VAV3: variants seen among roughly 807,000 people sequenced by gnomAD.
VAV3 encodes the protein vav guanine nucleotide exchange factor 3, also known as guanine nucleotide exchange factor VAV3.
VAV3 carries 94 observed loss-of-function variants against 131.2 expected under a neutral mutation model. The ratio of observed to expected loss-of-function variants is 0.72; its 90% CI spans 0.61 to 0.85. The LOEUF (loss-of-function observed/expected upper bound fraction) is 0.85. Ranked by LOEUF, VAV3 falls within the 40% of genes least tolerant of loss-of-function variation. The probability of loss-of-function intolerance (pLI) is 0.00; values close to 1 mark genes in which losing one functional copy is unlikely to be tolerated. For synonymous variants in VAV3, 349 were observed against 342.0 expected, an observed-to-expected ratio of 1.02 and a Z score of -0.22; for missense variants, 939 against 1,002.7, an observed-to-expected ratio of 0.94 and a Z score of 0.86.
chr1:107,595,267 T>C (rs1651280995), intron 25 of VAV3, among the ~76,000 whole-genome samples: 3 of 152,158 alleles, frequency 2.0e-5, no homozygotes, highest in Non-Finnish European at 2.9e-5. Flanking sequence ...ATGTGACAGA[T>C]TGTTTGTTTA....
rs1664666724 is a variant in VAV3 at position 107,765,116 on chromosome 1, T to C, written c.881A>G (p.Tyr294Cys). 2.5e-6 allele frequency: 4 copies of C among 1,613,530 alleles called. No homozygotes were observed. The South Asian group carries it at 4.4e-5, about 18-fold the overall frequency. ...GACATCTTCTTTTGTCTTAGAAATG[T>C]AGTCTAAACTAGAGATGGCTGACTC... ...GVESAISSLDYISKTKEDVKL... is the reference protein window; with the variant it reads ...GVESAISSLDCISKTKEDVKL... Residue 294 changes from tyrosine to cysteine, a missense_variant, in exon 9 of 27, where the codon TAC (tyrosine) becomes TGC (cysteine). Tyr to Cys is a radical substitution (Grantham distance 194). Transcript: ENST00000370056.
intron 5 of VAV3, among the ~76,000 whole-genome samples, chr1:107,771,253 CT>C (rs34501550): frequency 0.37 from 49,934 of 134,862 alleles, 8,663 homozygotes; most frequent in Non-Finnish European, 0.44. Flanking sequence ...TTCTTGTCAG[CT>C]TTTTTTTTTT....
In VAV3 at chr1:107,591,920, C is replaced by T. The variant is rs190939050; in HGVS notation, c.2350+4292G>A. ...TCAAAAGCAGAAAATTGCATTGATG[C>T]GGTACTATTTTTTAATCAAGAGAAT... On this transcript the variant is annotated intron_variant, in intron 25 of 26. Coordinates refer to ENST00000370056, the MANE Select transcript of VAV3 (RefSeq NM_006113.5). 3.0e-3 allele frequency among the ~76,000 whole-genome samples: 456 copies of T among 152,148 alleles called. 1 individual carries two copies. Among genetic ancestry groups the T allele is most frequent in the Middle Eastern group, 0.017 (5 of 294 alleles).
intron 15 of VAV3, among the ~76,000 whole-genome samples, chr1:107,746,289 C>A (rs927473430): frequency 6.6e-6 from 1 of 152,122 alleles, no homozygotes; most frequent in Non-Finnish European, 1.5e-5. Context: ...TATAATATAA[C>A]CCTTATTTAT....
chr1:107,603,282 A>T, intron 22 of VAV3, 119 bp from the exon 23 acceptor site: 1 of 710,956 alleles, frequency 1.4e-6, no homozygotes. Flanking sequence ...GTAATTCTAT[A>T]CTAATTACAT....
chr1:107,761,704 G>A (rs1465869324), intron 9 of VAV3, among the ~76,000 whole-genome samples: 1 of 152,140 alleles, frequency 6.6e-6, no homozygotes, highest in Admixed American at 6.5e-5. Context: ...ACAATTGGGT[G>A]TACTCTCTCT....
intron 20 of VAV3, among the ~76,000 whole-genome samples, chr1:107,619,079 C>G (rs1653383937): frequency 6.6e-6 from 1 of 151,966 alleles, no homozygotes; most frequent in Non-Finnish European, 1.5e-5. Flanking sequence ...GCTGAACTGG[C>G]CAGTGGATTA....
intron 2 of VAV3, among the ~76,000 whole-genome samples, chr1:107,820,621 T>C (rs1165941019): frequency 6.6e-6 from 1 of 152,192 alleles, no homozygotes. Flanking sequence ...ATAATTGGAA[T>C]ATTTATAACA....
intron 25 of VAV3, among the ~76,000 whole-genome samples, chr1:107,581,676 G>A (rs954024769): frequency 6.6e-6 from 1 of 152,148 alleles, no homozygotes; most frequent in Non-Finnish European, 1.5e-5. Flanking sequence ...CAGTGTTTAT[G>A]GTAGGATAAA....
Position 107,825,248 on chromosome 1 carries a change from A to C in VAV3, c.322-45756T>G, listed in dbSNP as rs558413621. On this transcript the variant is annotated intron_variant, in intron 2 of 26. Transcript: ENST00000370056. The stretch of plus-strand genomic sequence containing the variant: ...CAAACAGGGGCTGCCACATACAGAT[A>C]GGTTGGTCTAAAATGACTGTGTAGC... 2.6e-4 allele frequency among the ~76,000 whole-genome samples: 39 copies of C among 152,314 alleles called. No homozygotes were observed. The South Asian group carries it at 4.3e-3, about 17-fold the overall frequency.
rs1320873114 is a variant in VAV3 at position 107,964,899 on chromosome 1, G to T, written c.-30C>A. On this transcript the variant is annotated 5_prime_UTR_variant, in exon 1 of 27. Transcript: ENST00000370056. ...GACGGCTCCGGGACGCGGCTGGGCC[G>T]GGGCGGGCGGCAAGGATGCGGCCGC... The T allele has an allele frequency of 1.5e-6, 2 of 1,351,932 alleles. No homozygotes were observed. Among genetic ancestry groups the T allele is most frequent in the Non-Finnish European group, 1.9e-6 (2 of 1,040,984 alleles). The allele number at this position is 1,351,932 out of a possible 1,614,324, so 83.7% of individuals were successfully genotyped here.
chr1:107,787,068 T>C (rs1210797229), intron 2 of VAV3, among the ~76,000 whole-genome samples: 1 of 152,130 alleles, frequency 6.6e-6, no homozygotes, highest in Non-Finnish European at 1.5e-5. Flanking sequence ...TGAAGGACCA[T>C]TTATGGACTT....
intron 17 of VAV3, among the ~76,000 whole-genome samples, chr1:107,692,751 C>T (rs1659504040): frequency 6.6e-6 from 1 of 152,096 alleles, no homozygotes; most frequent in African/African-American, 2.4e-5. Flanking sequence ...CAGCAGCTGG[C>T]CTAGATAAAA....
intron 15 of VAV3, among the ~76,000 whole-genome samples, chr1:107,737,846 C>T (rs1485910104): frequency 6.6e-6 from 1 of 152,180 alleles, no homozygotes; most frequent in African/African-American, 2.4e-5. Context: ...CCAGCAATCC[C>T]ATTACTGGGT....
chr1:107,944,043 G>A (rs74109684), intron 1 of VAV3, among the ~76,000 whole-genome samples: 41 of 152,312 alleles, frequency 2.7e-4, no homozygotes, highest in African/African-American at 9.4e-4. Flanking sequence ...TTGCCTGTAG[G>A]CTAGGCTGCC....
chr1:107,677,506 T>C lies in VAV3; in HGVS notation c.1777+5982A>G, dbSNP rs146603313. On this transcript the variant is annotated intron_variant, in intron 19 of 26. Coordinates refer to ENST00000370056, the MANE Select transcript of VAV3 (RefSeq NM_006113.5). ...GAATGGTATTCAACCAGCATAACCA[T>C]AGATATGGCAAAGGAAGTCCACTCC... Among the ~76,000 whole-genome samples, 429 of 152,290 alleles carry C rather than the reference T, an allele frequency of 2.8e-3. 2 individuals are homozygous for C. Among genetic ancestry groups the C allele is most frequent in the African/African-American group, 9.8e-3 (406 of 41,572 alleles).
intron 2 of VAV3, among the ~76,000 whole-genome samples, chr1:107,801,836 T>C (rs1666840841): frequency 6.6e-6 from 1 of 152,158 alleles, no homozygotes; most frequent in African/African-American, 2.4e-5. Context: ...ACCTGAAGTT[T>C]TTCTTTTAAC....
chr1:107,964,862 G>A lies in VAV3; in HGVS notation c.8C>T (p.Pro3Leu), dbSNP rs372314733. The stretch of plus-strand genomic sequence containing the variant: ...GAGCCACTGCGCGCACTGCTTCCAC[G>A]GCTCCATGCCCGACGGCTCCGGGAC... ME[P>L]WKQCAQWLIH... The change falls in exon 1 of 27, where the codon CCG (proline) becomes CTG (leucine). Residue 3 changes from proline (P) to leucine (L), a missense_variant. Transcript: ENST00000370056. The A allele has an allele frequency of 4.2e-5, 67 of 1,599,418 alleles. 3 individuals carry two copies. In the South Asian group the frequency reaches 7.0e-4, roughly 17 times the overall value.
chr1:107,603,676 T>TTTTCTTA (rs1652039297), intron 22 of VAV3, among the ~76,000 whole-genome samples: 1 of 152,208 alleles, frequency 6.6e-6, no homozygotes, highest in South Asian at 2.1e-4. Context: ...CTTAAGCAAT[T>TTTTCTTA]AGTAATAATG....
Sources: allele counts gnomAD v4.1 joint callset (sites outside exome capture counted in the v4.1 genomes callset), GRCh38; gene constraint gnomAD v4.1.1; transcripts MANE v1.5; gene names NCBI Gene and HGNC (gene_info 2026-07-23, HGNC 2026-07-21).